GMDS: variants seen among roughly 807,000 people sequenced by gnomAD.
The protein encoded by GMDS is GDP-mannose 4,6 dehydratase.
Under a neutral mutation model 49.9 loss-of-function variants are expected in GMDS, and 20 were observed. The ratio of observed to expected loss-of-function variants is 0.40; its 90% CI spans 0.28 to 0.58. The LOEUF (loss-of-function observed/expected upper bound fraction) is 0.58, where lower values mean the gene tolerates loss of function less well. GMDS is among the 20% of genes least tolerant of loss of function. The pLI is 0.42. For missense variants in GMDS, 362 were observed against 481.4 expected (o/e 0.75, Z 2.32); for synonymous variants, 177 against 178.6 (o/e 0.99, Z 0.07).
chr6:1,722,855 C>T (rs1198166533), intron 9 of GMDS, among the ~76,000 whole-genome samples: 1 of 152,148 alleles, frequency 6.6e-6, no homozygotes, highest in Non-Finnish European at 1.5e-5. Context: ...TCTTAAGTGG[C>T]ACAGAACTCA....
chr6:2,215,758 G>A (rs761905943), intron 1 of GMDS, among the ~76,000 whole-genome samples: 1 of 151,940 alleles, frequency 6.6e-6, no homozygotes, highest in Admixed American at 6.5e-5. Context: ...CACCTTATTC[G>A]GACCCTGATT....
chr6:1,882,619 A>G (rs759539588), intron 7 of GMDS, among the ~76,000 whole-genome samples: 2 of 152,188 alleles, frequency 1.3e-5, no homozygotes, highest in African/African-American at 2.4e-5. Context: ...AAAAAATCCA[A>G]TCTTAAGAAC....
At chr6:2,150,430 T>A (rs1263986367) in intron 1 of GMDS, among the ~76,000 whole-genome samples, 1 of 152,082 alleles carries the variant, frequency 6.6e-6, no homozygotes, top group Non-Finnish European at 1.5e-5. Context: ...TTTCACTAAG[T>A]GGAATGCCTC....
intron 1 of GMDS, among the ~76,000 whole-genome samples, chr6:2,170,565 T>G (rs369248181): frequency 1.3e-5 from 2 of 151,988 alleles, no homozygotes; most frequent in South Asian, 2.1e-4. Context: ...AGTTCAAGGT[T>G]GCAGTGGGCT....
At chr6:2,199,572 T>TC (rs994549984) in intron 1 of GMDS, among the ~76,000 whole-genome samples, 2 of 152,168 alleles carry the variant, frequency 1.3e-5, no homozygotes, top group Admixed American at 1.3e-4. Context: ...TACAGCCTAC[T>TC]CAGGACCTTG....
chr6:1,646,319 T>C (rs1012248591), intron 9 of GMDS, among the ~76,000 whole-genome samples: 2 of 152,088 alleles, frequency 1.3e-5, no homozygotes, highest in African/African-American at 4.8e-5. Context: ...TGCTCTGGGG[T>C]CCGTGCTCAT....
intron 1 of GMDS, among the ~76,000 whole-genome samples, chr6:2,174,520 C>A (rs1411813492): frequency 6.6e-6 from 1 of 152,072 alleles, no homozygotes; most frequent in Non-Finnish European, 1.5e-5. Context: ...TAGCCACAAA[C>A]AGGAATAGAA....
At chr6:1,727,322 C>T (rs528481209) in intron 8 of GMDS, among the ~76,000 whole-genome samples, 2 of 152,270 alleles carry the variant, frequency 1.3e-5, no homozygotes, top group African/African-American at 4.8e-5. Flanking sequence ...TTCTACTTAT[C>T]CATTTTATGT....
intron 7 of GMDS, among the ~76,000 whole-genome samples, chr6:1,772,672 T>C (rs1261355030): frequency 2.6e-5 from 4 of 152,128 alleles, no homozygotes; most frequent in Non-Finnish European, 4.4e-5. Flanking sequence ...TATAAGAACT[T>C]TGAAAACCAG....
At chr6:2,063,652 A>G (rs1375001902) in intron 4 of GMDS, among the ~76,000 whole-genome samples, 1 of 152,244 alleles carries the variant, frequency 6.6e-6, no homozygotes, top group Admixed American at 6.5e-5. Flanking sequence ...AAACTCAATA[A>G]AAGAGGTGAA....
chr6:2,228,846 G>C (rs912889903), intron 1 of GMDS, among the ~76,000 whole-genome samples: 5 of 152,178 alleles, frequency 3.3e-5, no homozygotes, highest in Non-Finnish European at 7.3e-5. Flanking sequence ...GTGGGATCCA[G>C]GTATGACATC....
chr6:2,159,830 T>C lies in GMDS; in HGVS notation c.103-35099A>G, dbSNP rs115914875. 6.5e-3 allele frequency among the ~76,000 whole-genome samples: 990 copies of C among 152,270 alleles called. 12 individuals are homozygous for C. The highest frequency in any genetic ancestry group is 0.023 in the African/African-American group (948 of 41,538). On this transcript the variant is annotated intron_variant, in intron 1 of 10. Transcript: ENST00000380815. ...CAGCACCCGGCCAATTTTTTCAATA[T>C]TTCTAGGCTACACAGTTCATCTATG...
At chr6:1,740,774 ATTATT>A (rs1379934079) in intron 8 of GMDS, among the ~76,000 whole-genome samples, 2 of 152,094 alleles carry the variant, frequency 1.3e-5, no homozygotes, top group Non-Finnish European at 2.9e-5. Context: ...CACTTCAAAG[ATTATT>A]TTATATCTTC....
At chr6:1,786,806 T>TTC (rs1769341547) in intron 7 of GMDS, among the ~76,000 whole-genome samples, 1 of 151,950 alleles carries the variant, frequency 6.6e-6, no homozygotes, top group African/African-American at 2.4e-5. Context: ...GTGGTTTTTT[T>TTC]TTTTATCACT....
chr6:1,684,736 G>A (rs1764913102), intron 9 of GMDS, among the ~76,000 whole-genome samples: 1 of 152,148 alleles, frequency 6.6e-6, no homozygotes, highest in Admixed American at 6.5e-5. Context: ...TGGCTGTGGT[G>A]ATGGTTACAC....
At position 1,760,646 on chromosome 6, in the gene GMDS, C is replaced by T. The variant is rs138939120; in HGVS notation, c.772-18060G>A. Among the ~76,000 whole-genome samples, 452 of 152,326 alleles carry T rather than the reference C, an allele frequency of 3.0e-3. 4 individuals carry two copies. Among genetic ancestry groups the T allele is most frequent in the African/African-American group, 0.011 (440 of 41,576 alleles). On this transcript the variant is annotated intron_variant, in intron 7 of 10. Coordinates refer to ENST00000380815, the MANE Select transcript of GMDS (RefSeq NM_001500.4). ...GTCTTTGTAACTGGGAACCTAGTGTCCTATGCAACTTGTTGGTTAAAACTC... is the reference window on the plus strand; with the variant it reads ...GTCTTTGTAACTGGGAACCTAGTGTTCTATGCAACTTGTTGGTTAAAACTC...
At chr6:1,757,375 T>C (rs1421383868) in intron 7 of GMDS, among the ~76,000 whole-genome samples, 4 of 152,164 alleles carry the variant, frequency 2.6e-5, no homozygotes, top group African/African-American at 9.7e-5. Context: ...TTTCCAATTA[T>C]CTTCTGTCGC....
intron 1 of GMDS, among the ~76,000 whole-genome samples, chr6:2,160,544 T>G (rs1215562925): frequency 2.0e-5 from 3 of 152,188 alleles, no homozygotes; most frequent in Admixed American, 2.0e-4. Flanking sequence ...TTGTCATGGT[T>G]GTTATATAAG....
At chr6:1,763,966 G>A (rs1768253746) in intron 7 of GMDS, among the ~76,000 whole-genome samples, 1 of 152,198 alleles carries the variant, frequency 6.6e-6, no homozygotes, top group Non-Finnish European at 1.5e-5. Context: ...CCTCTTGGCA[G>A]GCACCCCTGC....
Sources: gnomAD v4.1 joint callset for allele counts (sites outside exome capture counted in the v4.1 genomes callset) on GRCh38, gnomAD v4.1.1 for gene constraint, MANE v1.5 for transcripts, NCBI Gene and HGNC (gene_info 2026-07-23, HGNC 2026-07-21) for gene names.